The following ECI1 variants were observed in gnomAD, a reference collection of about 807,000 sequenced individuals.
ECI1 encodes enoyl-CoA delta isomerase 1, mitochondrial.
Under a neutral mutation model 34.2 loss-of-function variants are expected in ECI1, and 34 were observed. The observed-to-expected ratio is 1.00, with a 90% CI of 0.76 to 1.33. The LOEUF (loss-of-function observed/expected upper bound fraction) is 1.33, where lower values mean the gene tolerates loss of function less well. Among genes scored for constraint, ECI1 ranks in the 40% most tolerant of loss-of-function variants. The pLI is 0.00. For missense variants in ECI1, 456 were observed against 422.2 expected (o/e 1.08, Z -0.70); for synonymous variants, 211 against 193.0 (o/e 1.09, Z -0.77).
intron 3 of ECI1, among the ~76,000 whole-genome samples, chr16:2,245,989 G>A (rs2093539278): frequency 6.6e-6 from 1 of 152,022 alleles, no homozygotes; most frequent in Non-Finnish European, 1.5e-5. Context: ...GCTGGACGTG[G>A]CCAGCACTTT....
At chr16:2,245,171 C>T (rs995727040) in intron 3 of ECI1, among the ~76,000 whole-genome samples, 3 of 152,160 alleles carry the variant, frequency 2.0e-5, no homozygotes, top group African/African-American at 4.8e-5. Flanking sequence ...AGAACCCACC[C>T]TGGGGACCCT....
intron 2 of ECI1, among the ~76,000 whole-genome samples, chr16:2,247,664 C>G (rs1029064627): frequency 2.6e-5 from 4 of 152,180 alleles, no homozygotes; most frequent in Non-Finnish European, 5.9e-5. Context: ...TCCCAAAGTG[C>G]CAGGATTACA....
chr16:2,245,525 T>C (rs558185252), intron 3 of ECI1, among the ~76,000 whole-genome samples: 1 of 152,170 alleles, frequency 6.6e-6, no homozygotes, highest in Non-Finnish European at 1.5e-5. Context: ...CCGCACAGAA[T>C]GGGTAGGCCG....
intron 3 of ECI1, 121 bp from the exon 4 acceptor site, chr16:2,244,673 G>T: frequency 9.1e-7 from 1 of 1,101,846 alleles, no homozygotes; most frequent in Non-Finnish European, 1.3e-6. Flanking sequence ...CTCAGGGTGT[G>T]GGTGCTGCCC....
At chr16:2,247,848 AG>A (rs1255394659) in intron 2 of ECI1, among the ~76,000 whole-genome samples, 1 of 152,098 alleles carries the variant, frequency 6.6e-6, no homozygotes, top group Non-Finnish European at 1.5e-5. Flanking sequence ...CTGGGATTAT[AG>A]GCAAGCGCCA....
At chr16:2,249,294 G>A (rs1052704737) in intron 2 of ECI1, among the ~76,000 whole-genome samples, 3 of 151,296 alleles carry the variant, frequency 2.0e-5, no homozygotes, top group Admixed American at 6.6e-5. Context: ...CGTGATCCGC[G>A]CACCCTGGCC....
chr16:2,243,432 C>T lies in ECI1; in HGVS notation c.449G>A (p.Cys150Tyr), dbSNP rs753892075. ...LVLVSAINGA[C>Y]PAGGCLVALT... ...GGCCACCAGGCAGCCTCCAGCGGGGCAGGCTCCCTGCAGGGAGAGGCCGGA... is the reference window on the plus strand; with the variant it reads ...GGCCACCAGGCAGCCTCCAGCGGGGTAGGCTCCCTGCAGGGAGAGGCCGGA... The change falls in exon 5 of 7, where the codon TGC becomes TAC. Residue 150 changes from cysteine to tyrosine, a missense_variant. By Grantham distance (194) the Cys-to-Tyr change is radical (BLOSUM62 -2). Coordinates refer to ENST00000301729, the MANE Select transcript of ECI1 (RefSeq NM_001919.4). The T allele has an allele frequency of 6.2e-7, 1 of 1,612,824 alleles. No homozygotes were observed. The highest frequency in any genetic ancestry group is 8.5e-7 in the Non-Finnish European group (1 of 1,180,022).
intron 2 of ECI1, among the ~76,000 whole-genome samples, chr16:2,249,867 A>C: frequency 1.0e-5 from 1 of 98,160 alleles, no homozygotes; most frequent in Non-Finnish European, 1.9e-5. Context: ...ACAGAGCAAG[A>C]CTCCGTCTCA....
Position 2,250,193 on chromosome 16 carries a change from A to C in ECI1, c.166+1123T>G, listed in dbSNP as rs962602874. Among the ~76,000 whole-genome samples, 11 of 142,918 alleles carry C rather than the reference A, an allele frequency of 7.7e-5. 1 individual carries two copies. Among genetic ancestry groups the C allele is most frequent in the Non-Finnish European group, 1.2e-4 (8 of 66,538 alleles). 93.8% of individuals were successfully genotyped at this position (142,918 alleles called of 152,430 possible). ...AGAATCGCTTGAACCCAGGAGGCACAGGTTGCAGTGATCGGAGATTGCGCC... is the reference window on the plus strand; with the variant it reads ...AGAATCGCTTGAACCCAGGAGGCACCGGTTGCAGTGATCGGAGATTGCGCC... On this transcript the variant is annotated intron_variant, in intron 2 of 6. Coordinates refer to ENST00000301729, the MANE Select transcript of ECI1 (RefSeq NM_001919.4).
chr16:2,246,177 G>A (rs532556062), intron 3 of ECI1, among the ~76,000 whole-genome samples: 1 of 152,322 alleles, frequency 6.6e-6, no homozygotes, highest in East Asian at 1.9e-4. Flanking sequence ...TGTTGGTAAT[G>A]ACACCGTTCC....
chr16:2,242,837 T>C (rs984961518), intron 6 of ECI1: 36 of 605,348 alleles, frequency 5.9e-5, no homozygotes, highest in Non-Finnish European at 1.0e-4. Flanking sequence ...CACTTTGATT[T>C]TGCACCTCTG....
rs748337504 is a variant in ECI1 at position 2,246,985 on chromosome 16, C to G, written c.168G>C (p.Gly56=). 2 of 1,612,944 alleles carry G rather than the reference C, an allele frequency of 1.2e-6. No homozygotes were observed. The highest frequency in any genetic ancestry group is 1.7e-6 in the Non-Finnish European group (2 of 1,179,926). ...GGTTCTTGAATTTCATCACAGCGACCCCTAATTTAAAGAATGAGAAGAGAA... is the reference window on the plus strand; with the variant it reads ...GGTTCTTGAATTTCATCACAGCGACGCCTAATTTAAAGAATGAGAAGAGAA... ...RVLVEPDAGA[G]VAVMKFKNPP... is the part of the protein sequence containing the mutation. Residue 56 remains glycine, a splice_region_variant and synonymous_variant, in exon 3 of 7, where the codon GGG becomes GGC. Transcript: ENST00000301729.
In ECI1 at chr16:2,243,317, C is replaced by A. The variant is rs200630484; in HGVS notation, c.563+1G>T. ...AGCGTGGCTGCAGCCCAGGGCCTTACCAGAAAGGGGCGATGATGCCCAGCT... is the reference window on the plus strand; with the variant it reads ...AGCGTGGCTGCAGCCCAGGGCCTTAACAGAAAGGGGCGATGATGCCCAGCT... On this transcript the variant is annotated splice_donor_variant, in intron 5 of 6. Transcript: ENST00000301729. LOFTEE classifies it high-confidence loss of function. 150 of 1,613,520 alleles carry A rather than the reference C, an allele frequency of 9.3e-5. No homozygotes were observed. In the African/African-American group the frequency reaches 1.1e-3, roughly 11 times the overall value.
rs955689923 is a variant in ECI1 at position 2,239,753 on chromosome 16, G to A, written c.*226C>T. ...CATCCCCTGCCAGTCACAATCCCAA[G>A]TCAAAAGGCTGCCCTCCAACTCCCC... On this transcript the variant is annotated 3_prime_UTR_variant, in exon 7 of 7. Transcript: ENST00000301729. The A allele has an allele frequency of 4.0e-5, 23 of 575,314 alleles. No homozygotes were observed. The highest frequency in any genetic ancestry group is 5.6e-5 in the Non-Finnish European group (18 of 320,600). The allele number at this position is 575,314 out of a possible 1,614,324, so 35.6% of individuals were successfully genotyped here. A position where few individuals can be genotyped will look rare whatever the true frequency, so the allele number is the denominator to read the frequency against.
intron 6 of ECI1, chr16:2,242,384 G>T (rs2093529918): frequency 6.5e-6 from 1 of 153,536 alleles, no homozygotes; most frequent in South Asian, 2.1e-4. Flanking sequence ...CTTACCTACA[G>T]AGCCCACAAG....
At chr16:2,250,969 G>T (rs976527134) in intron 2 of ECI1, among the ~76,000 whole-genome samples, 1 of 151,932 alleles carries the variant, frequency 6.6e-6, no homozygotes, top group Non-Finnish European at 1.5e-5. Flanking sequence ...GCACCACCAC[G>T]CCCAGCTAAT....
At chr16:2,247,160 G>A (rs532241066) in intron 2 of ECI1, among the ~76,000 whole-genome samples, 174 bp from the exon 3 acceptor site, 129 of 152,228 alleles carry the variant, frequency 8.5e-4, no homozygotes, top group Middle Eastern at 3.4e-3. Context: ...GCAGTGGCGC[G>A]ATCTCAGCTC....
intron 2 of ECI1, among the ~76,000 whole-genome samples, chr16:2,248,661 G>T (rs1330013758): frequency 6.6e-6 from 1 of 152,106 alleles, no homozygotes; most frequent in Non-Finnish European, 1.5e-5. Context: ...TGATCCTCCT[G>T]CCTCGGCCTC....
At chr16:2,245,564 C>T (rs1014416170) in intron 3 of ECI1, among the ~76,000 whole-genome samples, 1 of 152,188 alleles carries the variant, frequency 6.6e-6, no homozygotes, top group Non-Finnish European at 1.5e-5. Context: ...ACGCGTTCTA[C>T]TTCCGTTACT....
Sources: gnomAD v4.1 joint callset for allele counts (sites outside exome capture counted in the v4.1 genomes callset) on GRCh38, gnomAD v4.1.1 for gene constraint, MANE v1.5 for transcripts, NCBI Gene and HGNC (gene_info 2026-07-23, HGNC 2026-07-21) for gene names.